ZDHHC21: variants seen among roughly 807,000 people sequenced by gnomAD.
ZDHHC21 encodes the protein palmitoyltransferase ZDHHC21.
In ZDHHC21, 15 loss-of-function variants were observed where a neutral mutation model predicts 34.6. The ratio of observed to expected loss-of-function variants is 0.43; its 90% CI spans 0.29 to 0.67. The LOEUF (loss-of-function observed/expected upper bound fraction) is 0.67. ZDHHC21 is among the 30% of genes least tolerant of loss of function. ZDHHC21 has a pLI of 0.14. For synonymous variants in ZDHHC21, 142 were observed against 101.8 expected (o/e 1.40, Z -2.38); for missense variants, 344 against 327.7 (o/e 1.05, Z -0.38).
intron 2 of ZDHHC21, among the ~76,000 whole-genome samples, chr9:14,680,630 C>T (rs1346729575): frequency 6.6e-6 from 1 of 152,040 alleles, no homozygotes. Context: ...TTCTACAATT[C>T]AAGCTTAAAA....
chr9:14,690,540 G>T (rs904329474), intron 1 of ZDHHC21, among the ~76,000 whole-genome samples, 155 bp from the exon 2 acceptor site: 1 of 152,186 alleles, frequency 6.6e-6, no homozygotes, highest in Non-Finnish European at 1.5e-5. Flanking sequence ...CATCGGTTAA[G>T]AGAGTCTCTG....
At chr9:14,653,277 T>C (rs373960084) in intron 7 of ZDHHC21, among the ~76,000 whole-genome samples, 2 of 151,918 alleles carry the variant, frequency 1.3e-5, no homozygotes, top group Admixed American at 1.3e-4. Context: ...GGAAAAGACT[T>C]GCAAAAAACA....
At chr9:14,679,852 T>C (rs549734417) in intron 3 of ZDHHC21, among the ~76,000 whole-genome samples, 181 bp downstream of exon 3, 4 of 152,108 alleles carry the variant, frequency 2.6e-5, no homozygotes, top group East Asian at 1.9e-4. Context: ...TTTTTCTCTA[T>C]AGAAAAAGTC....
chr9:14,594,311 C>T, the ZDHHC21 span: 1 of 152,100 alleles, frequency 6.6e-6, no homozygotes, highest in Non-Finnish European at 1.5e-5. Flanking sequence ...ATTTATACTA[C>T]CTGAACTCAA....
At chr9:14,674,818 T>C (rs1437685398) in intron 3 of ZDHHC21, among the ~76,000 whole-genome samples, 1 of 151,908 alleles carries the variant, frequency 6.6e-6, no homozygotes, top group African/African-American at 2.4e-5. Flanking sequence ...GTCAAAACAG[T>C]GGTTACCTTG....
the ZDHHC21 span, among the ~76,000 whole-genome samples, chr9:14,604,085 T>C: frequency 2.6e-5 from 4 of 152,246 alleles, no homozygotes; most frequent in East Asian, 5.8e-4. Flanking sequence ...TATGTATCAA[T>C]AACAAATAGG....
At chr9:14,653,737 G>A (rs1831673428) in intron 7 of ZDHHC21, among the ~76,000 whole-genome samples, 1 of 151,994 alleles carries the variant, frequency 6.6e-6, no homozygotes, top group Non-Finnish European at 1.5e-5. Context: ...TATGATGTGA[G>A]TGTTGCCTCC....
chr9:14,620,856 G>C (rs1825184868), intron 8 of ZDHHC21, among the ~76,000 whole-genome samples: 1 of 151,998 alleles, frequency 6.6e-6, no homozygotes, highest in Non-Finnish European at 1.5e-5. Flanking sequence ...AAAAGTTATA[G>C]ATTAGCTACA....
At chr9:14,689,023 G>A (rs1035210941) in intron 2 of ZDHHC21, among the ~76,000 whole-genome samples, 5 of 152,138 alleles carry the variant, frequency 3.3e-5, no homozygotes, top group African/African-American at 1.2e-4. Flanking sequence ...CTCCAGCCTG[G>A]TCAACAGAGT....
intron 7 of ZDHHC21, among the ~76,000 whole-genome samples, chr9:14,654,178 C>A (rs2133863111): frequency 6.6e-6 from 1 of 152,036 alleles, no homozygotes; most frequent in South Asian, 2.1e-4. Flanking sequence ...CAGCTGAGAC[C>A]CCGAAGGACT....
intron 5 of ZDHHC21, among the ~76,000 whole-genome samples, chr9:14,672,608 T>C (rs1587372266): frequency 6.6e-6 from 1 of 151,968 alleles, no homozygotes; most frequent in African/African-American, 2.4e-5. Flanking sequence ...ATATGATATG[T>C]GATACAGAAG....
At chr9:14,594,537 C>T in the ZDHHC21 span, among the ~76,000 whole-genome samples, 10 of 152,140 alleles carry the variant, frequency 6.6e-5, no homozygotes, top group Admixed American at 1.3e-4. Flanking sequence ...ACCCTCACTT[C>T]ACAGTATACA....
chr9:14,684,547 A>G (rs1837965159), intron 2 of ZDHHC21, among the ~76,000 whole-genome samples: 1 of 151,398 alleles, frequency 6.6e-6, no homozygotes, highest in South Asian at 2.1e-4. Context: ...TCAATGAAAT[A>G]AAAGAGGAAA....
At chr9:14,662,178 AC>A in intron 6 of ZDHHC21, 36 bp downstream of exon 6, 1 of 1,423,850 alleles carries the variant, frequency 7.0e-7, no homozygotes, top group Non-Finnish European at 9.7e-7. Flanking sequence ...TTTATTACCC[AC>A]CCCTCTTTTC....
chr9:14,692,510 T>C (rs570820557), intron 1 of ZDHHC21, among the ~76,000 whole-genome samples: 127 of 152,290 alleles, frequency 8.3e-4, no homozygotes, highest in African/African-American at 2.8e-3. Flanking sequence ...TAATTGGTCA[T>C]GTCCTCTCAG....
At chr9:14,659,357 T>C (rs1454211781) in intron 6 of ZDHHC21, among the ~76,000 whole-genome samples, 2 of 152,216 alleles carry the variant, frequency 1.3e-5, no homozygotes, top group Non-Finnish European at 2.9e-5. Flanking sequence ...CTGACATAAC[T>C]GCTAAGCATT....
At chr9:14,660,166 G>C (rs903984948) in intron 6 of ZDHHC21, among the ~76,000 whole-genome samples, 6 of 152,052 alleles carry the variant, frequency 3.9e-5, no homozygotes, top group African/African-American at 1.4e-4. Flanking sequence ...GGGAGTTTGA[G>C]ACCAGCCTGG....
intron 1 of ZDHHC21, among the ~76,000 whole-genome samples, chr9:14,691,050 C>G (rs1839078017): frequency 6.6e-6 from 1 of 152,158 alleles, no homozygotes; most frequent in African/African-American, 2.4e-5. Flanking sequence ...TTTCCTCTGC[C>G]TTCCCTCTTT....
chr9:14,590,571 C>T, the ZDHHC21 span, among the ~76,000 whole-genome samples: 1 of 151,764 alleles, frequency 6.6e-6, no homozygotes, highest in Non-Finnish European at 1.5e-5. Flanking sequence ...AATATAAATA[C>T]CAGAAAATAA....
Sources: allele counts gnomAD v4.1 joint callset (sites outside exome capture counted in the v4.1 genomes callset), GRCh38; gene constraint gnomAD v4.1.1; transcripts MANE v1.5; gene names NCBI Gene and HGNC (gene_info 2026-07-23, HGNC 2026-07-21).